Variants in DSCAM observed in about 807,000 individuals in gnomAD.
DSCAM encodes the protein DS cell adhesion molecule, also known as cell adhesion molecule DSCAM.
Under a neutral mutation model 217.7 loss-of-function variants are expected in DSCAM, and 47 were observed. The observed-to-expected ratio is 0.22, with a 90% CI of 0.17 to 0.28. DSCAM has a LOEUF of 0.28. Ranked by LOEUF, DSCAM falls within the 10% of genes least tolerant of loss-of-function variation. The pLI is 1.00. For missense variants in DSCAM, 2,080 were observed against 2,618.3 expected (o/e 0.79, Z 4.49); for synonymous variants, 1,056 against 1,015.3 (o/e 1.04, Z -0.76).
chr21:40,644,852 A>T (rs569949479), intron 3 of DSCAM, among the ~76,000 whole-genome samples: 1 of 152,324 alleles, frequency 6.6e-6, no homozygotes, highest in African/African-American at 2.4e-5. Flanking sequence ...AAAACGTTCC[A>T]TCCCTAAAAT....
At chr21:40,622,984 A>G (rs953869056) in intron 3 of DSCAM, among the ~76,000 whole-genome samples, 1 of 152,226 alleles carries the variant, frequency 6.6e-6, no homozygotes, top group African/African-American at 2.4e-5. Flanking sequence ...ACTTATTACT[A>G]AATTAGTAGC....
intron 6 of DSCAM, among the ~76,000 whole-genome samples, chr21:40,346,466 C>A (rs1307953107): frequency 1.3e-5 from 2 of 151,994 alleles, no homozygotes; most frequent in African/African-American, 4.8e-5. Flanking sequence ...CTTTGTACTC[C>A]CTTTAGGCTA....
intron 3 of DSCAM, among the ~76,000 whole-genome samples, chr21:40,516,906 T>TAC (rs575655866): frequency 4.5e-4 from 66 of 145,572 alleles, no homozygotes; most frequent in African/African-American, 1.2e-3. Context: ...TATATATATA[T>TAC]ACACACACAC....
chr21:40,506,016 G>A (rs1680462374), intron 3 of DSCAM, among the ~76,000 whole-genome samples: 1 of 152,204 alleles, frequency 6.6e-6, no homozygotes, highest in Non-Finnish European at 1.5e-5. Flanking sequence ...TAAAGTCACT[G>A]CTGCAAAGTG....
intron 1 of DSCAM, among the ~76,000 whole-genome samples, chr21:40,756,542 C>G (rs1050552689): frequency 1.3e-5 from 2 of 150,604 alleles, no homozygotes; most frequent in Non-Finnish European, 3.0e-5. Context: ...CAGGCTCCTG[C>G]CACAATGCCC....
At chr21:40,094,857 G>A (rs1601324448) in intron 20 of DSCAM, among the ~76,000 whole-genome samples, 1 of 152,202 alleles carries the variant, frequency 6.6e-6, no homozygotes, top group East Asian at 1.9e-4. Context: ...ATTGAAGCAT[G>A]TAGTACTCCA....
chr21:40,682,061 G>C (rs1253125873), intron 3 of DSCAM, among the ~76,000 whole-genome samples: 1 of 152,028 alleles, frequency 6.6e-6, no homozygotes, highest in Non-Finnish European at 1.5e-5. Context: ...AAACCAGTCA[G>C]TTCATGGTAT....
chr21:40,441,424 C>T (rs928517809), intron 3 of DSCAM, among the ~76,000 whole-genome samples: 2 of 152,088 alleles, frequency 1.3e-5, no homozygotes, highest in African/African-American at 2.4e-5. Flanking sequence ...CTTAGTTATC[C>T]AAGATATAGA....
chr21:40,355,824 C>A (rs1048249816), intron 4 of DSCAM, among the ~76,000 whole-genome samples: 1 of 152,198 alleles, frequency 6.6e-6, no homozygotes. Flanking sequence ...TGACGAACAT[C>A]TCTATTCCCT....
intron 1 of DSCAM, among the ~76,000 whole-genome samples, chr21:40,811,175 A>G (rs117745728): frequency 6.6e-6 from 1 of 152,314 alleles, no homozygotes; most frequent in East Asian, 1.9e-4. Flanking sequence ...AGAGAGTCCA[A>G]TGTCATCACT....
intron 9 of DSCAM, among the ~76,000 whole-genome samples, chr21:40,299,440 C>T (rs1204274871): frequency 6.6e-6 from 1 of 152,128 alleles, no homozygotes; most frequent in African/African-American, 2.4e-5. Flanking sequence ...GTACTTACAT[C>T]AAGAAGACCT....
At chr21:40,356,075 C>G (rs1167225342) in intron 4 of DSCAM, among the ~76,000 whole-genome samples, 1 of 151,940 alleles carries the variant, frequency 6.6e-6, no homozygotes, top group Non-Finnish European at 1.5e-5. Flanking sequence ...CATATTCTGG[C>G]TGTTGCGAAT....
At chr21:40,581,818 A>G (rs751178953) in intron 3 of DSCAM, among the ~76,000 whole-genome samples, 2 of 152,220 alleles carry the variant, frequency 1.3e-5, no homozygotes, top group Non-Finnish European at 2.9e-5. Flanking sequence ...AAAGCTATAC[A>G]GTAACATTTT....
intron 3 of DSCAM, among the ~76,000 whole-genome samples, chr21:40,544,485 GAGGAGAGGCC>G (rs1233043324): frequency 2.0e-5 from 3 of 152,162 alleles, no homozygotes; most frequent in Non-Finnish European, 4.4e-5. Context: ...TTCGTAAGAA[GAGGAGAGGCC>G]ACACAGAGAC....
intron 19 of DSCAM, among the ~76,000 whole-genome samples, chr21:40,126,383 C>T (rs577559133): frequency 2.0e-5 from 3 of 151,522 alleles, no homozygotes; most frequent in South Asian, 2.1e-4. Flanking sequence ...AGAAGAAGGC[C>T]GATCTATGTT....
chr21:40,050,236 A>C (rs1362151181), intron 30 of DSCAM, among the ~76,000 whole-genome samples: 2 of 152,240 alleles, frequency 1.3e-5, no homozygotes, highest in Non-Finnish European at 2.9e-5. Context: ...AAGGTGGAGA[A>C]CGAGACCCAG....
rs2088064053 is a variant in DSCAM, at chr21:40,011,994, T to C, written c.*1040A>G. On this transcript the variant is annotated 3_prime_UTR_variant, in exon 33 of 33. Coordinates refer to ENST00000400454, the MANE Select transcript of DSCAM (RefSeq NM_001389.5). ...GGCTATACCATCTCTGCTGCAACTA[T>C]TCAGCTCTACCATTGTGCCATGAAA... 6.6e-6 allele frequency: 1 copy of C among 152,238 alleles called. No homozygotes were observed. Among genetic ancestry groups the C allele is most frequent in the South Asian group, 2.1e-4 (1 of 4,832 alleles). The allele number at this position is 152,238 out of a possible 1,614,324, so 9.4% of individuals were successfully genotyped here.
At chr21:40,780,443 A>ATATATATATATATG (rs1157668991) in intron 1 of DSCAM, among the ~76,000 whole-genome samples, 60 of 143,530 alleles carry the variant, frequency 4.2e-4, no homozygotes, top group East Asian at 3.9e-3. Flanking sequence ...ATATATATAT[A>ATATATATATATATG]TATATCTCCT....
intron 20 of DSCAM, among the ~76,000 whole-genome samples, chr21:40,099,743 C>T (rs1431852172): frequency 6.6e-6 from 1 of 152,216 alleles, no homozygotes; most frequent in Non-Finnish European, 1.5e-5. Flanking sequence ...CTGGGCAGGA[C>T]TTGCTGGTTC....
Sources: allele counts gnomAD v4.1 joint callset (sites outside exome capture counted in the v4.1 genomes callset), GRCh38; gene constraint gnomAD v4.1.1; transcripts MANE v1.5; gene names NCBI Gene and HGNC (gene_info 2026-07-23, HGNC 2026-07-21).